Variants in ABCF3 observed in about 807,000 individuals in gnomAD.
ABCF3 encodes the protein ATP binding cassette subfamily F member 3.
ABCF3 carries 62 observed loss-of-function variants against 94.3 expected under a neutral mutation model. The observed-to-expected ratio is 0.66, with a 90% CI of 0.54 to 0.81. The LOEUF (loss-of-function observed/expected upper bound fraction) is 0.81. Among genes scored for constraint, ABCF3 ranks in the 40% least tolerant of loss-of-function variants. The probability of loss-of-function intolerance (pLI) is 0.00; values close to 1 mark genes in which losing one functional copy is unlikely to be tolerated. For synonymous variants in ABCF3, 355 were observed against 361.1 expected (o/e 0.98, Z 0.19); for missense variants, 843 against 925.3 (o/e 0.91, Z 1.15).
At chr3:184,186,370 GC>G (rs1386537366) in intron 1 of ABCF3, 90 bp downstream of exon 1, 1 of 1,594,628 alleles carries the variant, frequency 6.3e-7, no homozygotes, top group East Asian at 2.2e-5. Flanking sequence ...CTGTTGCCAG[GC>G]CTCTCCTCTG....
rs1716126949 is a variant in ABCF3, at chr3:184,193,033, G to A, written c.1751-69G>A. 1.9e-6 allele frequency: 3 copies of A among 1,546,088 alleles called. No individual in the cohort carries two copies. The highest frequency in any genetic ancestry group is 2.7e-5 in the African/African-American group (2 of 73,118). On this transcript the variant is annotated intron_variant, in intron 18 of 20. Coordinates refer to ENST00000429586, the MANE Select transcript of ABCF3 (RefSeq NM_018358.3). The surrounding 1 kb of genome is among the most constrained non-coding windows in gnomAD (Gnocchi z 5.2). Reference sequence around the variant, plus strand: ...AGATGGAAGGACATGGGGACTTGGAGGTGTGGCTGGAGGGCACAGGGAGGG... The same window carrying A: ...AGATGGAAGGACATGGGGACTTGGAAGTGTGGCTGGAGGGCACAGGGAGGG...
At chr3:184,192,528 C>T (rs1716091959) in intron 16 of ABCF3, 73 bp from the exon 17 acceptor site, 3 of 1,369,752 alleles carry the variant, frequency 2.2e-6, no homozygotes, top group Non-Finnish European at 3.0e-6. Flanking sequence ...CTTTTTAGTG[C>T]CCACATATGA....
At chr3:184,186,345 G>A in intron 1 of ABCF3, 65 bp downstream of exon 1, 1 of 1,608,976 alleles carries the variant, frequency 6.2e-7, no homozygotes, top group Non-Finnish European at 8.5e-7. Flanking sequence ...GTCTAAGCGA[G>A]CGTCGTGCCC....
Position 184,191,137 on chromosome 3 carries a change from T to C in ABCF3, c.1451T>C (p.Phe484Ser), listed in dbSNP as rs375122344. ...ACCTCCTGCAGGTTCCCTGATGGGTTTGAGAAGTTCTCGCCGCCAATTCTG... is the reference window on the plus strand; with the variant it reads ...ACCTCCTGCAGGTTCCCTGATGGGTCTGAGAAGTTCTCGCCGCCAATTCTG... ...SEVVMKFPDG[F>S]EKFSPPILQL... The change falls in exon 16 of 21, where the codon TTT (phenylalanine) becomes TCT (serine). Residue 484 changes from phenylalanine to serine, a missense_variant. Phe to Ser is a radical substitution (Grantham distance 155). Coordinates refer to ENST00000429586, the MANE Select transcript of ABCF3 (RefSeq NM_018358.3). 21 of 1,614,090 alleles carry C rather than the reference T, an allele frequency of 1.3e-5. No individual in the cohort carries two copies. The African/African-American group carries it at 2.7e-4, about 21-fold the overall frequency.
At chr3:184,192,927 T>G in intron 18 of ABCF3, 31 bp downstream of exon 18, 1 of 1,610,466 alleles carries the variant, frequency 6.2e-7, no homozygotes, top group Non-Finnish European at 8.5e-7. Context: ...GGGGGAAGAG[T>G]TTGAGTAGGG....
At chr3:184,187,632 C>T (rs376827801) in intron 4 of ABCF3, 32 bp from the exon 5 acceptor site, 23 of 1,611,664 alleles carry the variant, frequency 1.4e-5, no homozygotes, top group South Asian at 3.3e-5. Flanking sequence ...AGCCTACACC[C>T]GAGAGTGAAG....
intron 5 of ABCF3, 25 bp downstream of exon 5, chr3:184,187,786 A>T: frequency 6.2e-7 from 1 of 1,614,156 alleles, no homozygotes; most frequent in Non-Finnish European, 8.5e-7. Context: ...CATGGCTCAG[A>T]AGAGAGCAGA....
In ABCF3 at chr3:184,189,598, C is replaced by T; in HGVS notation, c.1155C>T (p.Asn385=). Residue 385 remains asparagine (N), a synonymous_variant, in exon 13 of 21, where the codon AAC becomes AAT. Coordinates refer to ENST00000429586, the MANE Select transcript of ABCF3 (RefSeq NM_018358.3). ...TCCTAGTCGTCTCCCACGACCGCAA[C>T]TTCTTGAATGCCATCGCCACAGACA... ...STILVVSHDR[N]FLNAIATDII... 6.2e-7 allele frequency: 1 copy of T among 1,614,232 alleles called. No individual in the cohort carries two copies. The highest frequency in any genetic ancestry group is 8.5e-7 in the Non-Finnish European group (1 of 1,180,048).
chr3:184,191,659 G>T (rs1716029764), intron 16 of ABCF3, among the ~76,000 whole-genome samples: 1 of 151,178 alleles, frequency 6.6e-6, no homozygotes, highest in Non-Finnish European at 1.5e-5. Context: ...TACCTCACTT[G>T]GTTCTTGGGA....
rs1296107671 is a variant in ABCF3 at position 184,188,463 on chromosome 3, GC to G, written c.836+58del. 24 of 1,562,670 alleles carry G rather than the reference GC, an allele frequency of 1.5e-5. No individual in the cohort carries two copies. In the African/African-American group the frequency reaches 2.7e-4, roughly 18 times the overall value. On this transcript the variant is annotated intron_variant, in intron 7 of 20. Coordinates refer to ENST00000429586, the MANE Select transcript of ABCF3 (RefSeq NM_018358.3). Reference sequence around the variant, plus strand: ...AGCCGCTGTCGCTTACAGAGCGCCTGCCGTCCTGGAACAATCCATAATTTGC... The same window carrying G: ...AGCCGCTGTCGCTTACAGAGCGCCTGCGTCCTGGAACAATCCATAATTTGC...
In ABCF3 at chr3:184,189,437, C is replaced by T. The variant is rs202133471; in HGVS notation, c.1107C>T (p.Tyr369=). 8.7e-6 allele frequency: 14 copies of T among 1,614,012 alleles called. No individual in the cohort carries two copies. The highest frequency in any genetic ancestry group is 1.6e-4 in the Middle Eastern group (1 of 6,082). ...DVRAILWLEN[Y]LQTWPSTILV... ...GGGCCATCCTGTGGCTGGAGAATTA[C>T]CTGCAGGTGAGTGCCTGTGGGTGCT... Residue 369 remains tyrosine, a synonymous_variant, in exon 12 of 21, where the codon TAC becomes TAT. Coordinates refer to ENST00000429586, the MANE Select transcript of ABCF3 (RefSeq NM_018358.3).
chr3:184,186,288 G>C lies in ABCF3; in HGVS notation c.73+8G>C. The C allele has an allele frequency of 6.2e-7, 1 of 1,614,196 alleles. No homozygotes were observed. Among genetic ancestry groups the C allele is most frequent in the Non-Finnish European group, 8.5e-7 (1 of 1,180,020 alleles). On this transcript the variant is annotated splice_region_variant and intron_variant, in intron 1 of 20. Coordinates refer to ENST00000429586, the MANE Select transcript of ABCF3 (RefSeq NM_018358.3). ...TCTTCGACTACGTGACCGGTAAGCA[G>C]AACTGAATCGGCCGGCTGGGGAGAC...
Position 184,186,893 on chromosome 3 carries a change from T to C in ABCF3, c.301+18T>C. 2 of 1,609,144 alleles carry C rather than the reference T, an allele frequency of 1.2e-6. No individual in the cohort carries two copies. Among genetic ancestry groups the C allele is most frequent in the Non-Finnish European group, 1.7e-6 (2 of 1,177,508 alleles). On this transcript the variant is annotated intron_variant, in intron 3 of 20. Coordinates refer to ENST00000429586, the MANE Select transcript of ABCF3 (RefSeq NM_018358.3). ...GAACTACGGTGAGAGTGAGGGGAGG[T>C]TGAACTAACTGCCCCCCTGTGCTTT...
chr3:184,189,955 G>A (rs774432440), intron 14 of ABCF3, 24 bp downstream of exon 14: 2 of 1,612,706 alleles, frequency 1.2e-6, no homozygotes, highest in East Asian at 2.2e-5. Context: ...CCTTGGCCAG[G>A]GCCTGACTCC....
At chr3:184,192,564 C>T (rs1454427985) in intron 16 of ABCF3, 37 bp from the exon 17 acceptor site, 1 of 1,567,798 alleles carries the variant, frequency 6.4e-7, no homozygotes, top group Non-Finnish European at 8.7e-7. Context: ...ATTTATTTTT[C>T]TGGCACACAC....
At chr3:184,191,718 G>A (rs1457728605) in intron 16 of ABCF3, among the ~76,000 whole-genome samples, 1 of 127,468 alleles carries the variant, frequency 7.8e-6, no homozygotes, top group Non-Finnish European at 1.7e-5. Context: ...GCTCACCTTA[G>A]TATATGCATT....
At position 184,189,552 on chromosome 3, in the gene ABCF3, C is replaced by T. The variant is rs370948135; in HGVS notation, c.1114-5C>T. Reference sequence around the variant, plus strand: ...AACCGGGCCTGCTGTCCTGTGACCCCTCAGACGTGGCCCTCCACCATCCTA... The same window carrying T: ...AACCGGGCCTGCTGTCCTGTGACCCTTCAGACGTGGCCCTCCACCATCCTA... On this transcript the variant is annotated splice_region_variant and splice_polypyrimidine_tract_variant and intron_variant, in intron 12 of 20. Coordinates refer to ENST00000429586, the MANE Select transcript of ABCF3 (RefSeq NM_018358.3). The T allele has an allele frequency of 9.9e-6, 16 of 1,614,008 alleles. No homozygotes were observed. In the African/African-American group the frequency reaches 1.2e-4, roughly 12 times the overall value.
Position 184,188,407 on chromosome 3 carries a change from G to A in ABCF3, c.836G>A (p.Arg279Lys). Residue 279 changes from arginine to lysine, a missense_variant and splice_region_variant, in exon 7 of 21, where the codon AGG (arginine) becomes AAG (lysine). By Grantham distance (26) the Arg-to-Lys change is conservative. Transcript: ENST00000429586. The stretch of plus-strand genomic sequence containing the variant: ...CTCACTGCCCAGATTGCTGCTGGCA[G>A]GTGAGGACTCCCGGCTAGGGAGTAA... The part of the protein sequence containing the change: ...RELTAQIAAG[R>K]AEGSEAAELA... 3.1e-6 allele frequency: 5 copies of A among 1,603,900 alleles called. No individual in the cohort carries two copies. The highest frequency in any genetic ancestry group is 4.3e-6 in the Non-Finnish European group (5 of 1,173,108).
chr3:184,188,504 A>C, intron 7 of ABCF3, 97 bp downstream of exon 7: 1 of 1,479,662 alleles, frequency 6.8e-7, no homozygotes, highest in Non-Finnish European at 9.1e-7. Context: ...ACATCCTAGT[A>C]ATCAGCAGAG....
Sources: gnomAD v4.1 joint callset for allele counts (sites outside exome capture counted in the v4.1 genomes callset) on GRCh38, gnomAD v4.1.1 for gene constraint, Gnocchi (gnomAD v3.1) non-coding constraint, MANE v1.5 for transcripts, NCBI Gene and HGNC (gene_info 2026-07-23, HGNC 2026-07-21) for gene names.